The following AKT3 variants were observed in gnomAD, a reference collection of about 807,000 sequenced individuals.
AKT3 encodes RAC-gamma serine/threonine-protein kinase.
A neutral mutation model predicts 65.3 loss-of-function variants in AKT3; 15 were observed. The observed-to-expected ratio is 0.23, with a 90% confidence interval of 0.15 to 0.35. The LOEUF is 0.35. Ranked by LOEUF, AKT3 falls within the 10% of genes least tolerant of loss-of-function variation. AKT3 has a pLI of 1.00. For missense variants in AKT3, 243 were observed against 576.5 expected (o/e 0.42, Z 5.92); for synonymous variants, 206 against 183.8 (o/e 1.12, Z -0.98).
intron 4 of AKT3, among the ~76,000 whole-genome samples, chr1:243,652,020 T>C (rs1486878662): frequency 6.6e-6 from 1 of 150,768 alleles, no homozygotes; most frequent in African/African-American, 2.4e-5. Context: ...TGGGGGCCAA[T>C]ACTCAACATC....
chr1:243,764,457 T>C (rs1479542602), intron 2 of AKT3, among the ~76,000 whole-genome samples: 1 of 152,090 alleles, frequency 6.6e-6, no homozygotes, highest in Non-Finnish European at 1.5e-5. Context: ...CAATTCCCTA[T>C]ACATTTGATT....
intron 2 of AKT3, among the ~76,000 whole-genome samples, chr1:243,747,002 T>C (rs1203220064): frequency 6.6e-6 from 1 of 152,138 alleles, no homozygotes; most frequent in Non-Finnish European, 1.5e-5. Context: ...TGCAAAGTTT[T>C]TGTATTAGGC....
intron 2 of AKT3, among the ~76,000 whole-genome samples, chr1:243,805,880 C>T (rs1011196939): frequency 7.9e-5 from 12 of 152,206 alleles, no homozygotes; most frequent in Admixed American, 2.0e-4. Context: ...ATCATTAAAA[C>T]TGTGTTGTTC....
At chr1:243,541,279 C>CA (rs1479244108) in intron 12 of AKT3, among the ~76,000 whole-genome samples, 1 of 152,170 alleles carries the variant, frequency 6.6e-6, no homozygotes, top group African/African-American at 2.4e-5. Context: ...TTTATTTAGA[C>CA]AATCAATCAC....
At chr1:243,754,658 G>C (rs998567271) in intron 2 of AKT3, among the ~76,000 whole-genome samples, 8 of 152,186 alleles carry the variant, frequency 5.3e-5, no homozygotes, top group Admixed American at 5.2e-4. Context: ...ACCCTATTGT[G>C]AACTGTGCAT....
intron 3 of AKT3, among the ~76,000 whole-genome samples, chr1:243,682,807 G>A (rs1267833283): frequency 2.0e-5 from 3 of 152,136 alleles, no homozygotes; most frequent in South Asian, 4.1e-4. Context: ...TACCTGGAAA[G>A]TAACTTTATC....
At chr1:243,509,526 T>C (rs565964817) in intron 13 of AKT3, among the ~76,000 whole-genome samples, 3 of 152,324 alleles carry the variant, frequency 2.0e-5, no homozygotes, top group South Asian at 4.1e-4. Context: ...CAGTTTCTAA[T>C]TGACCTTATT....
At chr1:243,547,638 T>C (rs1672765139) in intron 11 of AKT3, among the ~76,000 whole-genome samples, 1 of 152,172 alleles carries the variant, frequency 6.6e-6, no homozygotes, top group Admixed American at 6.5e-5. Flanking sequence ...TTTCGCACCA[T>C]CATAAAGTCA....
At chr1:243,716,194 G>T (rs1686504377) in intron 2 of AKT3, among the ~76,000 whole-genome samples, 1 of 151,890 alleles carries the variant, frequency 6.6e-6, no homozygotes, top group Admixed American at 6.6e-5. Flanking sequence ...AGGGGAATAG[G>T]GATAATTAAA....
intron 5 of AKT3, among the ~76,000 whole-genome samples, chr1:243,638,929 A>T (rs919630576): frequency 6.6e-6 from 1 of 152,118 alleles, no homozygotes; most frequent in African/African-American, 2.4e-5. Flanking sequence ...GTAGAGAAAA[A>T]ATCAGTGAAA....
At chr1:243,523,413 G>C (rs1670853908) in intron 12 of AKT3, among the ~76,000 whole-genome samples, 1 of 152,038 alleles carries the variant, frequency 6.6e-6, no homozygotes, top group African/African-American at 2.4e-5. Context: ...AGTACTTCCT[G>C]TTAGCCTGGT....
chr1:243,647,995 T>C (rs184751727), intron 4 of AKT3, among the ~76,000 whole-genome samples: 25 of 152,322 alleles, frequency 1.6e-4, no homozygotes, highest in Admixed American at 1.5e-3. Context: ...CAGTGGCTCA[T>C]GCCTGTGATC....
chr1:243,825,205 G>C (rs1460501084), intron 2 of AKT3, among the ~76,000 whole-genome samples: 2 of 152,152 alleles, frequency 1.3e-5, no homozygotes, highest in African/African-American at 4.8e-5. Context: ...TGAACAATGA[G>C]AACACATGGA....
intron 12 of AKT3, among the ~76,000 whole-genome samples, chr1:243,514,451 C>CTA (rs1558579862): frequency 6.6e-6 from 1 of 152,214 alleles, no homozygotes; most frequent in Non-Finnish European, 1.5e-5. Flanking sequence ...CATTAAACAG[C>CTA]TATCCTCCCC....
chr1:243,519,897 G>A (rs1198015212), intron 12 of AKT3, among the ~76,000 whole-genome samples: 1 of 152,112 alleles, frequency 6.6e-6, no homozygotes, highest in Non-Finnish European at 1.5e-5. Context: ...CTAACTAGCT[G>A]GTATCATGGC....
At chr1:243,662,997 C>T (rs568439373) in intron 4 of AKT3, among the ~76,000 whole-genome samples, 1 of 152,148 alleles carries the variant, frequency 6.6e-6, no homozygotes, top group Non-Finnish European at 1.5e-5. Flanking sequence ...TGTGCTTCAA[C>T]AGATGTTAAA....
At position 243,785,924 on chromosome 1, in the gene AKT3, CA is replaced by C. The variant is rs748010830; in HGVS notation, c.46+57200del. 3.3e-5 allele frequency among the ~76,000 whole-genome samples: 5 copies of C among 152,324 alleles called. No individual in the cohort carries two copies. The South Asian group carries it at 8.3e-4, about 25-fold the overall frequency. On this transcript the variant is annotated intron_variant, in intron 2 of 13. Transcript: ENST00000673466. ...ATAGGGTGTGTGACAGGAAAGAAGA[CA>C]AAGTGGAAAAGTACAGTGGCCTTAA... is the stretch of plus-strand genomic sequence containing the variant.
intron 2 of AKT3, among the ~76,000 whole-genome samples, chr1:243,742,698 A>G (rs1688235669): frequency 6.6e-6 from 1 of 152,216 alleles, no homozygotes; most frequent in South Asian, 2.1e-4. Flanking sequence ...CTCATTTGGT[A>G]GAATGATAAA....
chr1:243,839,389 T>C (rs1695092556), intron 2 of AKT3, among the ~76,000 whole-genome samples: 2 of 152,214 alleles, frequency 1.3e-5, no homozygotes, highest in African/African-American at 2.4e-5. Context: ...CCTCCTATGC[T>C]GATGTGCAAC....
Sources: gnomAD v4.1 joint callset for allele counts (sites outside exome capture counted in the v4.1 genomes callset) on GRCh38, gnomAD v4.1.1 for gene constraint, MANE v1.5 for transcripts, NCBI Gene and HGNC (gene_info 2026-07-23, HGNC 2026-07-21) for gene names.